The following SLC7A14 variants were observed in gnomAD, a reference collection of about 807,000 sequenced individuals.
SLC7A14 encodes the protein gamma-aminobutyric acid transporter SLC7A14.
In SLC7A14, 37 loss-of-function variants were observed where a neutral mutation model predicts 60.2. The observed-to-expected ratio is 0.61, with a 90% CI of 0.47 to 0.81. The LOEUF (loss-of-function observed/expected upper bound fraction) is 0.81, where lower values mean the gene tolerates loss of function less well. Ranked by LOEUF, SLC7A14 falls within the 30% of genes least tolerant of loss-of-function variation. The probability of loss-of-function intolerance (pLI) is 0.00; values close to 1 mark genes in which losing one functional copy is unlikely to be tolerated. For missense variants in SLC7A14, 886 were observed against 982.7 expected (o/e 0.90, Z 1.32); for synonymous variants, 399 against 395.8 (o/e 1.01, Z -0.10).
intron 7 of SLC7A14, among the ~76,000 whole-genome samples, chr3:170,472,515 C>T (rs1201080081): frequency 1.3e-5 from 2 of 152,086 alleles, no homozygotes. Context: ...CCTGTAATCC[C>T]AGCACTTTGG....
chr3:170,549,152 G>A (rs1714262870), intron 1 of SLC7A14, among the ~76,000 whole-genome samples: 1 of 151,752 alleles, frequency 6.6e-6, no homozygotes, highest in Non-Finnish European at 1.5e-5. Context: ...GGTTTGGAGA[G>A]AGAGAAAGTG....
chr3:170,540,978 A>G (rs1258121187), intron 1 of SLC7A14, among the ~76,000 whole-genome samples: 2 of 152,244 alleles, frequency 1.3e-5, no homozygotes. Context: ...AGGAAATGCC[A>G]AGAAAAGGAG....
chr3:170,493,306 A>G (rs997038365), intron 4 of SLC7A14, among the ~76,000 whole-genome samples: 2 of 152,206 alleles, frequency 1.3e-5, no homozygotes, highest in Non-Finnish European at 2.9e-5. Context: ...CCATTCCTTA[A>G]GCTATTTTCT....
intron 2 of SLC7A14, among the ~76,000 whole-genome samples, chr3:170,514,867 C>A (rs183369067): frequency 1.3e-5 from 2 of 152,172 alleles, no homozygotes; most frequent in African/African-American, 4.8e-5. Context: ...TGTGCATGGG[C>A]ATATTAAGCA....
intron 1 of SLC7A14, among the ~76,000 whole-genome samples, chr3:170,559,283 T>C (rs1714572916): frequency 6.6e-6 from 1 of 152,210 alleles, no homozygotes; most frequent in African/African-American, 2.4e-5. Context: ...ATTTCTTAAG[T>C]GATTGTCTTC....
intron 1 of SLC7A14, among the ~76,000 whole-genome samples, chr3:170,560,427 A>G (rs1197682117): frequency 6.6e-6 from 1 of 152,186 alleles, no homozygotes; most frequent in Non-Finnish European, 1.5e-5. Context: ...ATGGCAGAAA[A>G]TGGGCAATGG....
chr3:170,516,668 G>A (rs1329393551), intron 2 of SLC7A14, among the ~76,000 whole-genome samples: 1 of 152,194 alleles, frequency 6.6e-6, no homozygotes, highest in Non-Finnish European at 1.5e-5. Context: ...TGAGGAGGGT[G>A]AATTGGGAGG....
intron 1 of SLC7A14, among the ~76,000 whole-genome samples, chr3:170,576,959 A>G (rs1308977469): frequency 6.6e-6 from 1 of 152,200 alleles, no homozygotes; most frequent in African/African-American, 2.4e-5. Flanking sequence ...TAGATTTACA[A>G]ATTTAAATCC....
chr3:170,498,539 G>A, intron 4 of SLC7A14, 128 bp downstream of exon 4: 1 of 763,238 alleles, frequency 1.3e-6, no homozygotes. Context: ...AAGATCAAAA[G>A]GTGATAAAGA....
At chr3:170,475,901 CG>C (rs1560249118) in intron 7 of SLC7A14, among the ~76,000 whole-genome samples, 2 of 152,090 alleles carry the variant, frequency 1.3e-5, no homozygotes, top group East Asian at 3.9e-4. Context: ...TTAGTAGAGA[CG>C]GAGTTTCACC....
intron 3 of SLC7A14, among the ~76,000 whole-genome samples, chr3:170,499,609 A>G (rs1404067214): frequency 6.6e-6 from 1 of 152,054 alleles, no homozygotes; most frequent in African/African-American, 2.4e-5. Context: ...CCTTTTCTTT[A>G]TCAACAATTT....
chr3:170,530,452 G>A (rs1713641180), intron 1 of SLC7A14, among the ~76,000 whole-genome samples: 1 of 152,186 alleles, frequency 6.6e-6, no homozygotes, highest in Non-Finnish European at 1.5e-5. Flanking sequence ...CTTACCCAAA[G>A]TCACCAGAGC....
At position 170,480,377 on chromosome 3, in the gene SLC7A14, C is replaced by A. The variant is rs750403222; in HGVS notation, c.1905G>T (p.Val635=). 6.2e-7 allele frequency: 1 copy of A among 1,609,582 alleles called. No homozygotes were observed. The highest frequency in any genetic ancestry group is 8.5e-7 in the Non-Finnish European group (1 of 1,177,484). The change falls in exon 7 of 8, where the codon GTG becomes GTT. Residue 635 remains valine, a synonymous_variant. Coordinates refer to ENST00000231706, the MANE Select transcript of SLC7A14 (RefSeq NM_020949.3). The part of the protein sequence containing the change: ...LPYMAPCLPF[V]PAFAMLVNIY... ...TGTTCACCAGCATGGCAAAGGCAGG[C>A]ACAAAGGGGAGGCAAGGGGCCATGT...
chr3:170,480,107 A>G (rs1249780586), intron 7 of SLC7A14, among the ~76,000 whole-genome samples, 182 bp downstream of exon 7: 1 of 152,234 alleles, frequency 6.6e-6, no homozygotes, highest in Non-Finnish European at 1.5e-5. Flanking sequence ...ATGACTAAGA[A>G]CATTACAGGC....
chr3:170,513,715 C>T (rs567298258), intron 2 of SLC7A14, among the ~76,000 whole-genome samples: 20 of 152,290 alleles, frequency 1.3e-4, no homozygotes, highest in African/African-American at 4.6e-4. Flanking sequence ...AGGACAAATG[C>T]ATTCGTTGGG....
intron 2 of SLC7A14, among the ~76,000 whole-genome samples, chr3:170,509,801 G>T (rs549989076): frequency 6.7e-6 from 1 of 150,192 alleles, no homozygotes. Context: ...AAAATTAGCC[G>T]GGCGTGGTGG....
rs907608923 is a variant in SLC7A14, at chr3:170,568,816, G to C, written c.-153+17095C>G. On this transcript the variant is annotated intron_variant, in intron 1 of 7. Coordinates refer to ENST00000231706, the MANE Select transcript of SLC7A14 (RefSeq NM_020949.3). ...TCATGATTTGGCTCTCTGTTTGTCT[G>C]TTATTGGTGTATAAGAATGCTTGTG... 1.4e-3 allele frequency among the ~76,000 whole-genome samples: 216 copies of C among 152,116 alleles called. 1 individual carries two copies. Among genetic ancestry groups the C allele is most frequent in the African/African-American group, 4.8e-3 (198 of 41,412 alleles).
At chr3:170,560,343 T>G (rs1389007849) in intron 1 of SLC7A14, among the ~76,000 whole-genome samples, 1 of 151,980 alleles carries the variant, frequency 6.6e-6, no homozygotes, top group Non-Finnish European at 1.5e-5. Flanking sequence ...GCATATACGA[T>G]TAGAACAAAA....
intron 7 of SLC7A14, among the ~76,000 whole-genome samples, chr3:170,470,864 C>T (rs566717298): frequency 6.6e-6 from 1 of 152,176 alleles, no homozygotes; most frequent in African/African-American, 2.4e-5. Context: ...TGTTTCTGCT[C>T]CTTTTTTTAG....
Sources: allele counts gnomAD v4.1 joint callset (sites outside exome capture counted in the v4.1 genomes callset), GRCh38; gene constraint gnomAD v4.1.1; transcripts MANE v1.5; gene names NCBI Gene and HGNC (gene_info 2026-07-23, HGNC 2026-07-21).